The following ABR variants were observed in gnomAD, a reference collection of about 807,000 sequenced individuals.
ABR encodes the protein active breakpoint cluster region-related protein.
In ABR, 35 loss-of-function variants were observed where a neutral mutation model predicts 107.2. The observed-to-expected ratio is 0.33, with a 90% confidence interval of 0.25 to 0.43. The LOEUF is 0.43. Among genes scored for constraint, ABR ranks in the 20% least tolerant of loss-of-function variants. ABR has a pLI of 1.00. For missense variants in ABR, 815 were observed against 1,115.2 expected (o/e 0.73, Z 3.83); for synonymous variants, 498 against 462.0 (o/e 1.08, Z -1.00).
chr17:1,034,186 G>T lies in ABR; in HGVS notation c.1791+15864C>A, dbSNP rs148080491. Among the ~76,000 whole-genome samples, 196 of 152,042 alleles carry T rather than the reference G, an allele frequency of 1.3e-3. 1 individual carries two copies. Among genetic ancestry groups the T allele is most frequent in the African/African-American group, 4.6e-3 (189 of 41,476 alleles). Reference sequence around the variant, plus strand: ...AGGTTTCACCATGCTGGCCAGGCTGGTCTCAAACTCCTGACCTCAGCCTCC... The same window carrying T: ...AGGTTTCACCATGCTGGCCAGGCTGTTCTCAAACTCCTGACCTCAGCCTCC... On this transcript the variant is annotated intron_variant, in intron 16 of 22. Transcript: ENST00000302538.
At chr17:1,069,927 G>C in intron 9 of ABR, 42 bp downstream of exon 9, 4 of 1,414,246 alleles carry the variant, frequency 2.8e-6, no homozygotes, top group Non-Finnish European at 3.8e-6. Context: ...CAGAGGTCCG[G>C]ACCCCCTCCC....
At chr17:1,100,853 T>G (rs1288909963) in intron 2 of ABR, 118 bp from the exon 3 acceptor site, 32 of 974,162 alleles carry the variant, frequency 3.3e-5, no homozygotes, top group Non-Finnish European at 4.6e-5. Flanking sequence ...AGACGAAGTC[T>G]CGCTCTGTCA....
chr17:1,056,022 C>T lies in ABR; in HGVS notation c.1561+13G>A. On this transcript the variant is annotated intron_variant, in intron 14 of 22. Coordinates refer to ENST00000302538, the MANE Select transcript of ABR (RefSeq NM_021962.5). Reference sequence around the variant, plus strand: ...AATGGCCCACCCAACCTCGTCCTGGCCAGGGCACTTACTGGCTGATTGCTT... The same window carrying T: ...AATGGCCCACCCAACCTCGTCCTGGTCAGGGCACTTACTGGCTGATTGCTT... 1 of 1,613,200 alleles carries T rather than the reference C, an allele frequency of 6.2e-7. No homozygotes were observed. Among genetic ancestry groups the T allele is most frequent in the Non-Finnish European group, 8.5e-7 (1 of 1,179,118 alleles).
intron 1 of ABR, among the ~76,000 whole-genome samples, chr17:1,132,397 G>C (rs1378146601): frequency 6.4e-5 from 3 of 46,876 alleles, no homozygotes; most frequent in Non-Finnish European, 1.4e-4. Flanking sequence ...TTTTTTTTTT[G>C]AGATGGAGTC....
chr17:1,130,440 T>A (rs939975362), intron 1 of ABR, among the ~76,000 whole-genome samples: 7 of 149,430 alleles, frequency 4.7e-5, no homozygotes, highest in African/African-American at 1.7e-4. Flanking sequence ...AGCAGCCGGG[T>A]CACAAATCAG....
chr17:1,123,393 G>C (rs1424047259), intron 2 of ABR, among the ~76,000 whole-genome samples: 2 of 152,208 alleles, frequency 1.3e-5, no homozygotes, highest in African/African-American at 4.8e-5. Flanking sequence ...CACCAAGCAA[G>C]ACGCACAGCC....
Position 1,071,779 on chromosome 17 carries a change from C to T in ABR, c.894+835G>A, listed in dbSNP as rs2035260294. On this transcript the variant is annotated intron_variant, in intron 8 of 22. Coordinates refer to ENST00000302538, the MANE Select transcript of ABR (RefSeq NM_021962.5). This position sits in a 1 kb window ranked among gnomAD's most constrained non-coding sequence, Gnocchi z 5.1. ...CATTCAAGAATGAGGCACCCGGAGG[C>T]CACTTCCCCGGCGTGGGCCTCCAGA... Among the ~76,000 whole-genome samples, 1 of 152,272 alleles carries T rather than the reference C, an allele frequency of 6.6e-6. No homozygotes were observed. The highest frequency in any genetic ancestry group is 2.4e-5 in the African/African-American group (1 of 41,480).
chr17:1,109,139 G>A lies in ABR; in HGVS notation c.247-8404C>T, dbSNP rs904526382. 35 of 1,416,446 alleles carry A rather than the reference G, an allele frequency of 2.5e-5. No homozygotes were observed. In the African/African-American group the frequency reaches 4.5e-4, roughly 18 times the overall value. 87.7% of individuals were successfully genotyped at this position (1,416,446 alleles called of 1,614,324 possible). ...AGCGGCGGCGGGAGGAGGGAGGAGG[G>A]AGGAGGCGGGCGGGAGGGGGGGCAG... On this transcript the variant is annotated intron_variant, in intron 2 of 22. Transcript: ENST00000302538.
At chr17:1,124,344 C>T (rs2039492052) in intron 2 of ABR, among the ~76,000 whole-genome samples, 1 of 152,090 alleles carries the variant, frequency 6.6e-6, no homozygotes, top group South Asian at 2.1e-4. Flanking sequence ...CAAAACACAC[C>T]CGGACGAGCA....
chr17:1,105,338 C>T (rs577992539), intron 2 of ABR, among the ~76,000 whole-genome samples: 122 of 152,134 alleles, frequency 8.0e-4, no homozygotes, highest in African/African-American at 2.7e-3. Flanking sequence ...TTACCCTACA[C>T]GTATTTGAAA....
rs142231872 is a variant in ABR at position 1,124,118 on chromosome 17, C to T, written c.246+1065G>A. 6.1e-3 allele frequency among the ~76,000 whole-genome samples: 935 copies of T among 152,240 alleles called. 7 individuals carry two copies. Among genetic ancestry groups the T allele is most frequent in the African/African-American group, 0.021 (885 of 41,546 alleles). ...AGGCCCTTGTTGCCAAAGGCTATAA[C>T]AGCCACCCCGGTGTGTGAAGAGGGG... On this transcript the variant is annotated intron_variant, in intron 2 of 22. Transcript: ENST00000302538.
chr17:1,209,989 A>G (rs1041844445), intron 1 of ABR, among the ~76,000 whole-genome samples: 5 of 152,266 alleles, frequency 3.3e-5, no homozygotes, highest in Admixed American at 1.3e-4. Flanking sequence ...TGAAGAAAAC[A>G]GATACATATG....
At chr17:1,112,840 C>G (rs1451215672) in intron 2 of ABR, among the ~76,000 whole-genome samples, 1 of 152,130 alleles carries the variant, frequency 6.6e-6, no homozygotes, top group Non-Finnish European at 1.5e-5. Context: ...CAGTCTTCCC[C>G]CACACCCACC....
intron 1 of ABR, among the ~76,000 whole-genome samples, chr17:1,221,987 C>T (rs2043128027): frequency 6.6e-6 from 1 of 152,038 alleles, no homozygotes; most frequent in Non-Finnish European, 1.5e-5. Flanking sequence ...CCTGGTTTAG[C>T]CAACTGAAAA....
chr17:1,038,940 G>A (rs571857592), intron 16 of ABR, among the ~76,000 whole-genome samples: 50 of 152,360 alleles, frequency 3.3e-4, no homozygotes, highest in African/African-American at 9.1e-4. Context: ...AGCGGCTCAC[G>A]GGGAGGAATC....
intron 4 of ABR, among the ~76,000 whole-genome samples, chr17:1,089,220 G>C (rs1234372048): frequency 6.6e-6 from 1 of 151,680 alleles, no homozygotes; most frequent in Middle Eastern, 3.2e-3. Context: ...TCTTTGTAGA[G>C]ATAGGGTCTT....
chr17:1,208,052 G>A (rs567074607), intron 1 of ABR, among the ~76,000 whole-genome samples: 2 of 152,072 alleles, frequency 1.3e-5, no homozygotes, highest in East Asian at 1.9e-4. Context: ...ATTACAGGCC[G>A]GAGCCACCGC....
At chr17:1,228,828 C>A (rs1211502320) in exon 1 of ABR, 1 of 151,894 alleles carries the variant, frequency 6.6e-6, no homozygotes, top group Non-Finnish European at 1.5e-5. Context: ...GGAGCTGTGC[C>A]GGCTGCCGTC....
intron 1 of ABR, among the ~76,000 whole-genome samples, chr17:1,186,423 C>A (rs2042297508): frequency 6.6e-6 from 1 of 152,230 alleles, no homozygotes. Flanking sequence ...AAGATGTGGA[C>A]CTGCTCCCCG....
Sources: allele counts gnomAD v4.1 joint callset (sites outside exome capture counted in the v4.1 genomes callset), GRCh38; gene constraint gnomAD v4.1.1; non-coding constraint Gnocchi (gnomAD v3.1); transcripts MANE v1.5; gene names NCBI Gene and HGNC (gene_info 2026-07-23, HGNC 2026-07-21).